SLC41A1: variants seen among roughly 807,000 people sequenced by gnomAD.
SLC41A1 encodes the protein solute carrier family 41 (magnesium transporter), member 1.
A neutral mutation model predicts 47.3 loss-of-function variants in SLC41A1; 20 were observed. The ratio of observed to expected loss-of-function variants is 0.42; its 90% CI spans 0.30 to 0.61. The LOEUF (loss-of-function observed/expected upper bound fraction) is 0.61, where lower values mean the gene tolerates loss of function less well. Ranked by LOEUF, SLC41A1 falls within the 20% of genes least tolerant of loss-of-function variation. The probability of loss-of-function intolerance (pLI) is 0.17; values close to 1 mark genes in which losing one functional copy is unlikely to be tolerated. For missense variants in SLC41A1, 504 were observed against 674.1 expected (o/e 0.75, Z 2.79); for synonymous variants, 282 against 272.7 (o/e 1.03, Z -0.34).
chr1:205,798,747 G>A lies in SLC41A1; in HGVS notation c.766C>T (p.Pro256Ser). 6.2e-7 allele frequency: 1 copy of A among 1,614,128 alleles called. No homozygotes were observed. Among genetic ancestry groups the A allele is most frequent in the Non-Finnish European group, 8.5e-7 (1 of 1,180,024 alleles). ...IGINPDNVAT[P>S]IAASLGDLIT... is the part of the protein sequence containing the mutation. ...AGGTCGCCCAGGCTGGCAGCAATGG[G>A]TGTGGCCACGTTGTCTGGGTTGATC... Residue 256 changes from proline (P) to serine (S), a missense_variant, in exon 6 of 11, where the codon CCC (proline) becomes TCC (serine). Coordinates refer to ENST00000367137, the MANE Select transcript of SLC41A1 (RefSeq NM_173854.6).
At chr1:205,809,932 G>A in intron 2 of SLC41A1, 138 bp downstream of exon 2, 1 of 1,328,526 alleles carries the variant, frequency 7.5e-7, no homozygotes, top group South Asian at 1.3e-5. Context: ...AGAAACCGAG[G>A]ACATGATCCA....
At position 205,797,950 on chromosome 1, in the gene SLC41A1, A is replaced by C. The variant is rs961388605; in HGVS notation, c.946T>G (p.Leu316Val). 6.2e-7 allele frequency: 1 copy of C among 1,614,108 alleles called. No homozygotes were observed. The highest frequency in any genetic ancestry group is 1.3e-5 in the African/African-American group (1 of 75,010). Residue 316 changes from leucine to valine, a missense_variant, in exon 7 of 11, where the codon TTG becomes GTG. Coordinates refer to ENST00000367137, the MANE Select transcript of SLC41A1 (RefSeq NM_173854.6). Reference protein sequence around the residue: ...ARRSPATREVLYSGWEPVIIA... With the variant: ...ARRSPATREVVYSGWEPVIIA... ...ATAACAGGCTCCCAGCCCGAGTACA[A>C]CACCTCCCTTGTGGCTGGACTTCGT...
rs530102409 is a variant in SLC41A1, at chr1:205,807,734, C to T, written c.372+2336G>A. On this transcript the variant is annotated intron_variant, in intron 2 of 10. Coordinates refer to ENST00000367137, the MANE Select transcript of SLC41A1 (RefSeq NM_173854.6). ...GCAGTGGTACAATCATAGCTCATTG[C>T]GACTTCAAACTCCTGGGCTCAAGTG... 2.5e-3 allele frequency among the ~76,000 whole-genome samples: 328 copies of T among 130,998 alleles called. 1 individual carries two copies. The highest frequency in any genetic ancestry group is 8.8e-3 in the African/African-American group (311 of 35,234). The allele number at this position is 130,998 out of a possible 152,430, so 85.9% of individuals were successfully genotyped here.
chr1:205,800,570 C>T lies in SLC41A1; in HGVS notation c.480+383G>A, dbSNP rs113617345. ...TGCTGGGAGGGCCTGGCTCTGCTCC[C>T]GCCCAGCTGCAAAGCAGGGGCTGGA... On this transcript the variant is annotated intron_variant, in intron 3 of 10. Transcript: ENST00000367137. Among the ~76,000 whole-genome samples, 230 of 46,554 alleles carry T rather than the reference C, an allele frequency of 4.9e-3. 1 individual carries two copies. The highest frequency in any genetic ancestry group is 0.019 in the African/African-American group (204 of 10,738). 30.5% of individuals were successfully genotyped at this position (46,554 alleles called of 152,430 possible).
chr1:205,809,518 C>A (rs1656094942), intron 2 of SLC41A1, among the ~76,000 whole-genome samples: 1 of 152,194 alleles, frequency 6.6e-6, no homozygotes, highest in Non-Finnish European at 1.5e-5. Context: ...CCACCCCCAC[C>A]CCCCAAGGGG....
In SLC41A1 at chr1:205,797,458, C is replaced by T. The variant is rs73080393; in HGVS notation, c.992+446G>A. ...CCAGGTCCATCCAATCAGAGGATTG[C>T]AGCCCCAAGGCCACGCTGACTGGTT... is the stretch of plus-strand genomic sequence containing the variant. On this transcript the variant is annotated intron_variant, in intron 7 of 10. Transcript: ENST00000367137. Among the ~76,000 whole-genome samples the T allele has an allele frequency of 2.0e-3, 312 of 152,350 alleles. 1 individual carries two copies. The highest frequency in any genetic ancestry group is 6.9e-3 in the African/African-American group (286 of 41,570).
chr1:205,807,960 G>GTT (rs113940724), intron 2 of SLC41A1, among the ~76,000 whole-genome samples: 31 of 142,426 alleles, frequency 2.2e-4, no homozygotes, highest in African/African-American at 6.7e-4. Context: ...CCCAGCCAGA[G>GTT]TTTTTTTTTT....
chr1:205,808,932 CTA>C (rs1261703303), intron 2 of SLC41A1, among the ~76,000 whole-genome samples: 1 of 152,226 alleles, frequency 6.6e-6, no homozygotes, highest in Non-Finnish European at 1.5e-5. Context: ...CAGCAGAACT[CTA>C]TATCACTATG....
intron 3 of SLC41A1, among the ~76,000 whole-genome samples, chr1:205,800,662 C>T (rs1359229246): frequency 2.0e-5 from 3 of 152,050 alleles, no homozygotes; most frequent in Non-Finnish European, 4.4e-5. Context: ...CAAAGCTGCA[C>T]AAACAGTCAC....
rs1194783657 is a variant in SLC41A1 at position 205,791,801 on chromosome 1, G to A, written c.1357-83C>T. ...GGCCACATGATCAGACCCATTCAGT[G>A]CATCACAGGGCTTGGCTGGCCATAA... is the stretch of plus-strand genomic sequence containing the variant. On this transcript the variant is annotated intron_variant, in intron 10 of 10. Coordinates refer to ENST00000367137, the MANE Select transcript of SLC41A1 (RefSeq NM_173854.6). The surrounding 1 kb of genome is among the most constrained non-coding windows in gnomAD (Gnocchi z 4.0). 2.6e-5 allele frequency: 39 copies of A among 1,520,016 alleles called. No homozygotes were observed. Among genetic ancestry groups the A allele is most frequent in the Non-Finnish European group, 3.5e-5 (39 of 1,111,410 alleles). 94.2% of individuals were successfully genotyped at this position (1,520,016 alleles called of 1,614,324 possible).
At chr1:205,795,566 C>T in intron 8 of SLC41A1, 88 bp from the exon 9 acceptor site, 1 of 1,500,476 alleles carries the variant, frequency 6.7e-7, no homozygotes, top group Non-Finnish European at 9.2e-7. Context: ...TGTCTTCTAT[C>T]TATAGAGGCA....
At chr1:205,801,499 C>A in intron 2 of SLC41A1, 1 of 268,016 alleles carries the variant, frequency 3.7e-6, no homozygotes, top group Admixed American at 5.0e-5. Context: ...TTGGGCTCCA[C>A]AGGGCTGGGG....
At chr1:205,801,542 T>A (rs963635607) in intron 2 of SLC41A1, 3 of 208,650 alleles carry the variant, frequency 1.4e-5, no homozygotes, top group African/African-American at 7.0e-5. Context: ...GTTTGTTTGG[T>A]TTCTATCTCC....
intron 10 of SLC41A1, among the ~76,000 whole-genome samples, chr1:205,792,291 C>T (rs1358914367): frequency 1.3e-5 from 2 of 152,194 alleles, no homozygotes; most frequent in South Asian, 2.1e-4. Flanking sequence ...TGTGGCTTTT[C>T]ATTCCATTCT....
At position 205,799,002 on chromosome 1, in the gene SLC41A1, A is replaced by C. The variant is rs756332055; in HGVS notation, c.652T>G (p.Cys218Gly). The change falls in exon 5 of 11, where the codon TGT becomes GGT. Residue 218 changes from cysteine to glycine, a missense_variant. Physicochemically the swap from Cys to Gly is radical, Grantham distance 159. Coordinates refer to ENST00000367137, the MANE Select transcript of SLC41A1 (RefSeq NM_173854.6). ...HFSIPHAFLL[C>G]ASSVATAFIA... ...AAGGCTGTGGCCACGCTGCTAGCACAGAGCAGGAAGGCGTGCGGAATACTG... is the reference window on the plus strand; with the variant it reads ...AAGGCTGTGGCCACGCTGCTAGCACCGAGCAGGAAGGCGTGCGGAATACTG... The C allele has an allele frequency of 5.0e-6, 8 of 1,613,962 alleles. No homozygotes were observed. In the East Asian group the frequency reaches 1.8e-4, roughly 36 times the overall value.
intron 2 of SLC41A1, among the ~76,000 whole-genome samples, chr1:205,805,216 G>A (rs917246727): frequency 1.3e-5 from 2 of 152,186 alleles, no homozygotes; most frequent in Non-Finnish European, 2.9e-5. Context: ...AAAGCCCCGA[G>A]TTGGCACTTG....
At chr1:205,808,652 G>A (rs708730) in intron 2 of SLC41A1, among the ~76,000 whole-genome samples, 100,898 of 152,156 alleles carry the variant, frequency 0.66, 38,089 homozygotes, top group Non-Finnish European at 0.83. Flanking sequence ...TCCCAGTCCC[G>A]GCCCTAGGGG....
chr1:205,799,594 G>A lies in SLC41A1; in HGVS notation c.552+165C>T, dbSNP rs148183189. Among the ~76,000 whole-genome samples, 1,247 of 152,184 alleles carry A rather than the reference G, an allele frequency of 8.2e-3. 12 individuals are homozygous for A. Among genetic ancestry groups the A allele is most frequent in the Non-Finnish European group, 0.015 (1,014 of 67,998 alleles). On this transcript the variant is annotated intron_variant, in intron 4 of 10. Coordinates refer to ENST00000367137, the MANE Select transcript of SLC41A1 (RefSeq NM_173854.6). ...ATGCTGGGCCCTCCTCATCTTGGGC[G>A]TTTTCCTGGGTAACCTAGTTACCTC...
chr1:205,798,985 G>T lies in SLC41A1; in HGVS notation c.669C>A (p.Ala223=), dbSNP rs1571643256. ...HAFLLCASSV[A]TAFIASLVLG... is the part of the protein sequence containing the mutation. ...GTACCAGGGAGGCAATGAAGGCTGT[G>T]GCCACGCTGCTAGCACAGAGCAGGA... The change falls in exon 5 of 11, where the codon GCC becomes GCA. Residue 223 remains alanine (A), a synonymous_variant. Transcript: ENST00000367137. The T allele has an allele frequency of 6.2e-7, 1 of 1,614,094 alleles. No individual in the cohort carries two copies. Among genetic ancestry groups the T allele is most frequent in the African/African-American group, 1.3e-5 (1 of 75,032 alleles).
Sources: gnomAD v4.1 joint callset for allele counts (sites outside exome capture counted in the v4.1 genomes callset) on GRCh38, gnomAD v4.1.1 for gene constraint, Gnocchi (gnomAD v3.1) non-coding constraint, MANE v1.5 for transcripts, NCBI Gene and HGNC (gene_info 2026-07-23, HGNC 2026-07-21) for gene names.